LIN28B: variants seen among roughly 807,000 people sequenced by gnomAD.
LIN28B encodes the protein lin-28 RNA binding posttranscriptional regulator B, also known as protein lin-28 homolog B.
In LIN28B, 5 loss-of-function variants were observed where a neutral mutation model predicts 21.9. The ratio of observed to expected loss-of-function variants is 0.23; its 90% CI spans 0.12 to 0.48. The LOEUF is 0.48. LIN28B is among the 20% of genes least tolerant of loss of function. LIN28B has a pLI of 0.98. For missense variants in LIN28B, 245 were observed against 310.5 expected (o/e 0.79, Z 1.58); for synonymous variants, 109 against 111.3 (o/e 0.98, Z 0.13).
intron 1 of LIN28B, 68 bp from the exon 2 acceptor site, chr6:104,958,031 T>C: frequency 2.5e-6 from 3 of 1,217,378 alleles, no homozygotes; most frequent in Non-Finnish European, 3.2e-6. Flanking sequence ...GGCAATTTTT[T>C]TTTTTTAATC....
intron 2 of LIN28B, among the ~76,000 whole-genome samples, chr6:104,998,041 C>A (rs1770648697): frequency 1.3e-5 from 2 of 152,050 alleles, no homozygotes; most frequent in Non-Finnish European, 2.9e-5. Flanking sequence ...AAATTAAGTC[C>A]TTTTGTTATC....
intron 2 of LIN28B, among the ~76,000 whole-genome samples, chr6:105,002,146 A>C (rs940547939): frequency 6.7e-6 from 1 of 149,186 alleles, no homozygotes; most frequent in African/African-American, 2.5e-5. Context: ...CAGGCTGAGC[A>C]CTTGAAGAGA....
rs1033279855 is a variant in LIN28B, at chr6:104,957,179, G to A, written c.-72G>A. The A allele has an allele frequency of 1.2e-5, 19 of 1,613,486 alleles. No individual in the cohort carries two copies. Among genetic ancestry groups the A allele is most frequent in the Admixed American group, 1.7e-5 (1 of 59,988 alleles). On this transcript the variant is annotated 5_prime_UTR_variant, in exon 1 of 4. The change abolishes an upstream ATG in the 5' untranslated region. Coordinates refer to ENST00000345080, the MANE Select transcript of LIN28B (RefSeq NM_001004317.4). ...CACAAAATCAAGATGTTAGATTGAT[G>A]CAGAAGATCACTCCGTTCCAAAGGG... is the stretch of plus-strand genomic sequence containing the variant.
At chr6:105,033,675 A>G (rs1443141503) in intron 3 of LIN28B, among the ~76,000 whole-genome samples, 1 of 151,906 alleles carries the variant, frequency 6.6e-6, no homozygotes, top group Non-Finnish European at 1.5e-5. Flanking sequence ...AAATTTAACG[A>G]GTCTATACAG....
In LIN28B at chr6:104,997,002, C is replaced by T. The variant is rs184725682; in HGVS notation, c.199-29296C>T. Among the ~76,000 whole-genome samples the T allele has an allele frequency of 3.4e-4, 52 of 152,070 alleles. 1 individual carries two copies. In the East Asian group the frequency reaches 9.9e-3, roughly 29 times the overall value. ...TTGGTTTTTAAAAGGAAAAGAAAGGCCGGGCACAGTGGTTCATGCCTGTAA... is the reference window on the plus strand; with the variant it reads ...TTGGTTTTTAAAAGGAAAAGAAAGGTCGGGCACAGTGGTTCATGCCTGTAA... On this transcript the variant is annotated intron_variant, in intron 2 of 3. Transcript: ENST00000345080.
At chr6:105,071,624 TA>T (rs551518321) in intron 3 of LIN28B, among the ~76,000 whole-genome samples, 31 of 152,314 alleles carry the variant, frequency 2.0e-4, no homozygotes, top group African/African-American at 7.0e-4. Flanking sequence ...TGTGTATTAA[TA>T]TTTTCCAATA....
At chr6:105,021,208 C>T (rs558636609) in intron 2 of LIN28B, among the ~76,000 whole-genome samples, 2 of 152,026 alleles carry the variant, frequency 1.3e-5, no homozygotes, top group South Asian at 2.1e-4. Flanking sequence ...TGATTTTGTT[C>T]TTTTTCACGG....
intron 3 of LIN28B, among the ~76,000 whole-genome samples, chr6:105,070,654 C>T (rs966322191): frequency 8.0e-5 from 7 of 87,060 alleles, no homozygotes; most frequent in Non-Finnish European, 1.5e-4. Flanking sequence ...GTGGTGTATA[C>T]CTGTAGTCTC....
At chr6:105,038,169 A>G (rs1306605425) in intron 3 of LIN28B, among the ~76,000 whole-genome samples, 4 of 152,226 alleles carry the variant, frequency 2.6e-5, no homozygotes, top group African/African-American at 7.2e-5. Flanking sequence ...AAAACCACTC[A>G]AAGTATCTAT....
chr6:104,989,376 C>T (rs1185410649), intron 2 of LIN28B, among the ~76,000 whole-genome samples: 1 of 151,966 alleles, frequency 6.6e-6, no homozygotes, highest in Non-Finnish European at 1.5e-5. Context: ...GTGTGCACCA[C>T]CATGGCTGAC....
chr6:105,082,290 G>A lies in LIN28B; in HGVS notation c.*3507G>A, dbSNP rs902497753. 11 of 152,542 alleles carry A rather than the reference G, an allele frequency of 7.2e-5. No individual in the cohort carries two copies. Among genetic ancestry groups the A allele is most frequent in the African/African-American group, 2.4e-4 (10 of 41,442 alleles). The allele number at this position is 152,542 out of a possible 1,614,324, so 9.4% of individuals were successfully genotyped here. On this transcript the variant is annotated 3_prime_UTR_variant, in exon 4 of 4. Transcript: ENST00000345080. ...GCATCAGTCCACCTCCAATATTGCC[G>A]ATACTTTTTTTATTCTGGCTCAGTT...
chr6:105,031,743 G>C (rs1771429832), intron 3 of LIN28B, among the ~76,000 whole-genome samples: 1 of 151,958 alleles, frequency 6.6e-6, no homozygotes, highest in African/African-American at 2.4e-5. Context: ...CACCGTGTTA[G>C]CCAGGATGGT....
chr6:104,949,874 CAT>C (rs2114551778), intron 2 of LIN28B, among the ~76,000 whole-genome samples: 1 of 152,210 alleles, frequency 6.6e-6, no homozygotes, highest in Admixed American at 6.5e-5. Flanking sequence ...TTTTAAAAAA[CAT>C]TAACCCATTT....
At chr6:105,054,201 A>G (rs1771977684) in intron 3 of LIN28B, among the ~76,000 whole-genome samples, 1 of 152,132 alleles carries the variant, frequency 6.6e-6, no homozygotes, top group African/African-American at 2.4e-5. Context: ...ACTTAATGTA[A>G]TTATTGATAT....
At chr6:104,958,007 C>G (rs961810098) in intron 1 of LIN28B, 92 bp from the exon 2 acceptor site, 1 of 948,668 alleles carries the variant, frequency 1.1e-6, no homozygotes, top group Non-Finnish European at 1.5e-6. Context: ...ACCCTTCCCC[C>G]CCAACCCCAG....
chr6:104,948,738 G>T (rs779959441), intron 2 of LIN28B, among the ~76,000 whole-genome samples: 1 of 151,814 alleles, frequency 6.6e-6, no homozygotes, highest in African/African-American at 2.4e-5. Context: ...TCTTGTTTTT[G>T]AACAATTTTA....
chr6:105,008,042 T>C (rs1216499268), intron 2 of LIN28B, among the ~76,000 whole-genome samples: 2 of 152,362 alleles, frequency 1.3e-5, no homozygotes, highest in Admixed American at 6.5e-5. Flanking sequence ...TATGTAATTT[T>C]GTGCCTTGTG....
In LIN28B at chr6:105,026,374, A is replaced by G. The variant is rs1771287502; in HGVS notation, c.275A>G (p.Lys92Arg). 3 of 1,611,750 alleles carry G rather than the reference A, an allele frequency of 1.9e-6. No homozygotes were observed. Among genetic ancestry groups the G allele is most frequent in the African/African-American group, 2.7e-5 (2 of 74,824 alleles). Residue 92 changes from lysine (K) to arginine (R), a missense_variant, in exon 3 of 4, where the codon AAA becomes AGA. Physicochemically the swap from Lys to Arg is conservative, Grantham distance 26. Coordinates refer to ENST00000345080, the MANE Select transcript of LIN28B (RefSeq NM_001004317.4). ...GAATTCACATTTAAAAAATCTTCCA[A>G]AGGCCTTGAGTCAATACGGGTAACA... ...PVEFTFKKSS[K>R]GLESIRVTGP... is the part of the protein sequence containing the mutation.
intron 3 of LIN28B, chr6:105,045,633 T>C (rs891827932): frequency 1.3e-4 from 20 of 152,186 alleles, no homozygotes; most frequent in African/African-American, 4.6e-4. Flanking sequence ...CTCTGTATTG[T>C]TCCAATTTTA....
Sources: allele counts gnomAD v4.1 joint callset (sites outside exome capture counted in the v4.1 genomes callset), GRCh38; gene constraint gnomAD v4.1.1; transcripts MANE v1.5; gene names NCBI Gene and HGNC (gene_info 2026-07-23, HGNC 2026-07-21).